Variants in GOLGA5 observed in about 807,000 individuals in gnomAD.
The protein encoded by GOLGA5 is golgin subfamily A member 5.
In GOLGA5, 50 loss-of-function variants were observed where a neutral mutation model predicts 93.5. The ratio of observed to expected loss-of-function variants is 0.53; its 90% CI spans 0.43 to 0.68. The LOEUF (loss-of-function observed/expected upper bound fraction) is 0.68. GOLGA5 is among the 30% of genes least tolerant of loss of function. The pLI is 0.00. For synonymous variants in GOLGA5, 312 were observed against 304.5 expected, an observed-to-expected ratio of 1.02 and a Z score of -0.26; for missense variants, 760 against 856.4, an observed-to-expected ratio of 0.89 and a Z score of 1.40.
chr14:92,804,750 G>A (rs1176482154), intron 2 of GOLGA5, among the ~76,000 whole-genome samples: 1 of 147,624 alleles, frequency 6.8e-6, no homozygotes, highest in Non-Finnish European at 1.5e-5. Context: ...CTGCCTCCCA[G>A]GTTCAAGCGA....
At chr14:92,811,205 A>G (rs1885095479) in intron 5 of GOLGA5, among the ~76,000 whole-genome samples, 1 of 152,248 alleles carries the variant, frequency 6.6e-6, no homozygotes, top group Non-Finnish European at 1.5e-5. Context: ...ATCAGCTAGT[A>G]TCAGACCAGA....
chr14:92,827,092 A>G (rs936857311), intron 9 of GOLGA5, among the ~76,000 whole-genome samples: 2 of 152,254 alleles, frequency 1.3e-5, no homozygotes, highest in African/African-American at 4.8e-5. Flanking sequence ...CCAGGATAAG[A>G]ACTCTTAATA....
chr14:92,825,444 G>A (rs1046890237), intron 9 of GOLGA5, among the ~76,000 whole-genome samples: 5 of 152,144 alleles, frequency 3.3e-5, no homozygotes, highest in East Asian at 1.9e-4. Context: ...AGATGGTCAC[G>A]TGATGTGCTA....
Position 92,839,644 on chromosome 14 carries a change from CAAT to C in GOLGA5, c.*202_*204del. On this transcript the variant is annotated 3_prime_UTR_variant, in exon 13 of 13. Coordinates refer to ENST00000163416, the MANE Select transcript of GOLGA5 (RefSeq NM_005113.4). ...AAATGGTAAGAGTTTCTAAAACAGA[CAAT>C]AATTTAACAAGCTCAGCTCTGCTTT... 1 of 589,676 alleles carries C rather than the reference CAAT, an allele frequency of 1.7e-6. No individual in the cohort carries two copies. Among genetic ancestry groups the C allele is most frequent in the Non-Finnish European group, 3.0e-6 (1 of 332,454 alleles). The allele number at this position is 589,676 out of a possible 1,614,324, so 36.5% of individuals were successfully genotyped here.
chr14:92,804,125 G>A (rs1884931914), intron 2 of GOLGA5, among the ~76,000 whole-genome samples: 1 of 152,040 alleles, frequency 6.6e-6, no homozygotes, highest in Admixed American at 6.6e-5. Flanking sequence ...CATCTTTAAT[G>A]TAACCAAGGC....
chr14:92,814,545 G>A (rs1481131776), intron 6 of GOLGA5, among the ~76,000 whole-genome samples: 2 of 152,072 alleles, frequency 1.3e-5, no homozygotes, highest in African/African-American at 2.4e-5. Flanking sequence ...GGGGAATGAG[G>A]TTGGGAGGTT....
chr14:92,809,314 A>G lies in GOLGA5; in HGVS notation c.787A>G (p.Arg263Gly). 6.2e-7 allele frequency: 1 copy of G among 1,610,414 alleles called. No individual in the cohort carries two copies. Among genetic ancestry groups the G allele is most frequent in the Non-Finnish European group, 8.5e-7 (1 of 1,176,586 alleles). ...KETQEELNKA[R>G]ARVEKWNADH... ...TTTTTTAATAGAATTAAACAAAGCA[A>G]GAGCAAGAGTTGAAAAGTGGAATGC... is the stretch of plus-strand genomic sequence containing the variant. Residue 263 changes from arginine to glycine, a missense_variant, in exon 4 of 13, where the codon AGA (arginine) becomes GGA (glycine). Coordinates refer to ENST00000163416, the MANE Select transcript of GOLGA5 (RefSeq NM_005113.4).
Position 92,816,382 on chromosome 14 carries a change from G to A in GOLGA5, c.1452G>A (p.Lys484=). The change falls in exon 7 of 13, where the codon AAG becomes AAA. Residue 484 remains lysine (K), a synonymous_variant. Coordinates refer to ENST00000163416, the MANE Select transcript of GOLGA5 (RefSeq NM_005113.4). ...AGATGCAGAGGGAGGAAATACAGAA[G>A]CTGATGGGCCAGATACATCAGCTCA... ...EKEMQREEIQ[K]LMGQIHQLRS... is the part of the protein sequence containing the mutation. 6.2e-7 allele frequency: 1 copy of A among 1,614,058 alleles called. No individual in the cohort carries two copies. The highest frequency in any genetic ancestry group is 8.5e-7 in the Non-Finnish European group (1 of 1,179,958).
chr14:92,837,505 T>TGTTTC (rs113573267), intron 12 of GOLGA5, 56 bp downstream of exon 12: 183 of 790,926 alleles, frequency 2.3e-4, no homozygotes, highest in Non-Finnish European at 3.3e-4. Flanking sequence ...CTAGTTTTTT[T>TGTTTC]TTTTGTTTGT....
At chr14:92,818,668 G>T (rs927068526) in intron 7 of GOLGA5, among the ~76,000 whole-genome samples, 3 of 152,218 alleles carry the variant, frequency 2.0e-5, no homozygotes, top group Admixed American at 2.0e-4. Context: ...TGGGCATCTT[G>T]TTAGTCTTAG....
intron 2 of GOLGA5, among the ~76,000 whole-genome samples, chr14:92,802,519 G>A (rs1884895496): frequency 1.3e-5 from 2 of 151,856 alleles, no homozygotes; most frequent in Non-Finnish European, 2.9e-5. Context: ...GACCAGTTTT[G>A]TATCTTGTTC....
chr14:92,839,268 G>T, intron 12 of GOLGA5, 98 bp from the exon 13 acceptor site: 1 of 732,200 alleles, frequency 1.4e-6, no homozygotes, highest in South Asian at 1.5e-5. Flanking sequence ...AGGGGATACA[G>T]AGGCAGGTAA....
Position 92,819,704 on chromosome 14 carries a change from T to C in GOLGA5, c.1492-4T>C. ...GCTTTTACATGTAAGCTTTTTCTCT[T>C]TAGGATATGGAGGCACAGCAAGTTA... is the stretch of plus-strand genomic sequence containing the variant. On this transcript the variant is annotated splice_polypyrimidine_tract_variant and splice_region_variant and intron_variant, in intron 7 of 12. Transcript: ENST00000163416. 6.2e-7 allele frequency: 1 copy of C among 1,612,850 alleles called. No individual in the cohort carries two copies. Among genetic ancestry groups the C allele is most frequent in the Non-Finnish European group, 8.5e-7 (1 of 1,179,062 alleles).
At chr14:92,821,206 G>A (rs1885310596) in intron 8 of GOLGA5, among the ~76,000 whole-genome samples, 1 of 152,056 alleles carries the variant, frequency 6.6e-6, no homozygotes, top group Non-Finnish European at 1.5e-5. Context: ...TTGCATTTGT[G>A]CTTTCTAGGA....
At position 92,806,797 on chromosome 14, in the gene GOLGA5, G is replaced by A; in HGVS notation, c.606G>A (p.Val202=). 1 of 1,613,964 alleles carries A rather than the reference G, an allele frequency of 6.2e-7. No individual in the cohort carries two copies. Among genetic ancestry groups the A allele is most frequent in the Non-Finnish European group, 8.5e-7 (1 of 1,179,854 alleles). Residue 202 remains valine, a synonymous_variant, in exon 3 of 13, where the codon GTG becomes GTA. Coordinates refer to ENST00000163416, the MANE Select transcript of GOLGA5 (RefSeq NM_005113.4). ...AAGAGGAATCTTCAAAGGAAAATGTGTCATCAAATGCTGCCTGCCCTGACC... is the reference window on the plus strand; with the variant it reads ...AAGAGGAATCTTCAAAGGAAAATGTATCATCAAATGCTGCCTGCCCTGACC... ...EGQEESSKEN[V]SSNAACPDHT... is the part of the protein sequence containing the mutation.
intron 1 of GOLGA5, among the ~76,000 whole-genome samples, chr14:92,795,694 C>G (rs1479494685): frequency 6.7e-6 from 1 of 149,520 alleles, no homozygotes; most frequent in East Asian, 2.0e-4. Flanking sequence ...CTTTATCCAG[C>G]CACTGCCCCA....
intron 2 of GOLGA5, among the ~76,000 whole-genome samples, chr14:92,804,285 C>CCGA (rs1884935437): frequency 6.6e-6 from 1 of 151,892 alleles, no homozygotes; most frequent in South Asian, 2.1e-4. Context: ...GGGCTGGTCT[C>CCGA]CAACTCCTGG....
intron 6 of GOLGA5, among the ~76,000 whole-genome samples, chr14:92,815,143 C>A (rs929931255): frequency 6.6e-6 from 1 of 152,256 alleles, no homozygotes; most frequent in African/African-American, 2.4e-5. Context: ...ATCAGGAGCC[C>A]CTCCAAATTG....
In GOLGA5 at chr14:92,810,309, T is replaced by C. The variant is rs1040835; in HGVS notation, c.1048T>C (p.Phe350Leu). The C allele has an allele frequency of 0.76, 1,212,720 of 1,602,794 alleles. 462,865 individuals are homozygous for C. Among genetic ancestry groups the C allele is most frequent in the African/African-American group, 0.94 (70,293 of 74,694 alleles). ...CCTGCAGAATCAAGCTCTGCAGACT[T>C]TTCAGGAGAGACTGCATGAAGCGGA... ...NSLQNQALQT[F>L]QERLHEADAT... The change falls in exon 5 of 13, where the codon TTT (phenylalanine) becomes CTT (leucine). Residue 350 changes from phenylalanine (F) to leucine (L), a missense_variant. Coordinates refer to ENST00000163416, the MANE Select transcript of GOLGA5 (RefSeq NM_005113.4).
Sources: gnomAD v4.1 joint callset for allele counts (sites outside exome capture counted in the v4.1 genomes callset) on GRCh38, gnomAD v4.1.1 for gene constraint, MANE v1.5 for transcripts, NCBI Gene and HGNC (gene_info 2026-07-23, HGNC 2026-07-21) for gene names.